Variants in BSCL2 observed in about 807,000 individuals in gnomAD.
BSCL2 encodes BSCL2 lipid droplet biogenesis associated, seipin.
In BSCL2, 41 loss-of-function variants were observed where a neutral mutation model predicts 57.4. That is an observed-to-expected ratio of 0.71 (90% CI 0.56 to 0.93). BSCL2 has a LOEUF of 0.93. BSCL2 is among the 40% of genes least tolerant of loss of function. The pLI is 0.00. For missense variants in BSCL2, 539 were observed against 586.7 expected, an observed-to-expected ratio of 0.92 and a Z score of 0.84; for synonymous variants, 237 against 227.3, an observed-to-expected ratio of 1.04 and a Z score of -0.38.
chr11:62,703,882 G>C (rs1256690235), intron 2 of BSCL2, among the ~76,000 whole-genome samples: 1 of 151,444 alleles, frequency 6.6e-6, no homozygotes, highest in Admixed American at 6.6e-5. Flanking sequence ...CACTTTGGGA[G>C]GCCAAGGGGG....
intron 3 of BSCL2, among the ~76,000 whole-genome samples, chr11:62,698,758 G>T (rs957222070): frequency 6.6e-6 from 1 of 152,078 alleles, no homozygotes; most frequent in African/African-American, 2.4e-5. Context: ...CCTCCCTCAT[G>T]TGACAGCCTC....
At chr11:62,709,486 T>C (rs780190159), upstream of BSCL2, 7 of 453,244 alleles carry the variant, frequency 1.5e-5, 1 homozygote, top group South Asian at 1.1e-4. Context: ...GGTGCGGGAG[T>C]GCAGTCGTAC....
At chr11:62,706,851 T>C in intron 1 of BSCL2, 1 of 597,288 alleles carries the variant, frequency 1.7e-6, no homozygotes, top group African/African-American at 1.8e-5. Context: ...GGATACACTC[T>C]CCCTCAGAGT....
At chr11:62,700,989 C>A (rs1945623080) in intron 3 of BSCL2, among the ~76,000 whole-genome samples, 1 of 151,980 alleles carries the variant, frequency 6.6e-6, no homozygotes, top group Non-Finnish European at 1.5e-5. Context: ...ATGAGAGCCT[C>A]CTCTAGCTTG....
At chr11:62,705,849 C>G in intron 1 of BSCL2, 1 of 539,758 alleles carries the variant, frequency 1.9e-6, no homozygotes. Flanking sequence ...ATTCCTTCTC[C>G]AGTCATTTGA....
Position 62,690,295 on chromosome 11 carries a change from T to C in BSCL2, c.*72A>G, listed in dbSNP as rs1487073806. 3 of 1,604,804 alleles carry C rather than the reference T, an allele frequency of 1.9e-6. No individual in the cohort carries two copies. Among genetic ancestry groups the C allele is most frequent in the Admixed American group, 1.7e-5 (1 of 59,966 alleles). ...AGGAAGAAGCTGACACAAAATAGTTTATTGAAGGAAAAACGAGGGGAGAGG... is the reference window on the plus strand; with the variant it reads ...AGGAAGAAGCTGACACAAAATAGTTCATTGAAGGAAAAACGAGGGGAGAGG... On this transcript the variant is annotated 3_prime_UTR_variant, in exon 11 of 11. Transcript: ENST00000360796.
rs1590872981 is a variant in BSCL2 at position 62,694,586 on chromosome 11, G to A, written c.612C>T (p.Ile204=). Reference sequence around the variant, plus strand: ...CACTTACCGAACGCGAAGAAGTGGAGATGATTCGGCCACCTCTGGTGTAGC... The same window carrying A: ...CACTTACCGAACGCGAAGAAGTGGAAATGATTCGGCCACCTCTGGTGTAGC... ...ISCYTRGGRI[I]STSSRSVMLH... The change falls in exon 4 of 11, where the codon ATC becomes ATT. Residue 204 remains isoleucine, a synonymous_variant. Transcript: ENST00000360796. 1 of 1,614,112 alleles carries A rather than the reference G, an allele frequency of 6.2e-7. No individual in the cohort carries two copies. Among genetic ancestry groups the A allele is most frequent in the Admixed American group, 1.7e-5 (1 of 59,988 alleles).
At position 62,706,290 on chromosome 11, in the gene BSCL2, A is replaced by G. The variant is rs529417327; in HGVS notation, c.88-673T>C. 1,002 of 1,109,872 alleles carry G rather than the reference A, an allele frequency of 9.0e-4. 9 individuals carry two copies. The African/African-American group carries it at 0.015, about 17-fold the overall frequency. The allele number at this position is 1,109,872 out of a possible 1,614,324, so 68.8% of individuals were successfully genotyped here. A position where few individuals can be genotyped will look rare whatever the true frequency, so the allele number is the denominator to read the frequency against. ...CGCGCGCTGCCAGGGCAACCGTGAGACGGGACTTCCGGCTCCCGGGGAAGT... is the reference window on the plus strand; with the variant it reads ...CGCGCGCTGCCAGGGCAACCGTGAGGCGGGACTTCCGGCTCCCGGGGAAGT... On this transcript the variant is annotated intron_variant, in intron 1 of 10. Transcript: ENST00000360796.
At chr11:62,704,459 T>C (rs1945753168) in intron 2 of BSCL2, among the ~76,000 whole-genome samples, 1 of 149,568 alleles carries the variant, frequency 6.7e-6, no homozygotes, top group Non-Finnish European at 1.5e-5. Flanking sequence ...GGCAGGAGAA[T>C]GGCGTGAGCC....
intron 3 of BSCL2, among the ~76,000 whole-genome samples, chr11:62,698,935 C>G (rs1348561688): frequency 1.3e-5 from 2 of 152,142 alleles, no homozygotes; most frequent in Non-Finnish European, 2.9e-5. Context: ...GAGATGGAGT[C>G]TTGCTCTGTC....
At position 62,690,297 on chromosome 11, in the gene BSCL2, T is replaced by C. The variant is rs763517904; in HGVS notation, c.*70A>G. 6 of 1,606,508 alleles carry C rather than the reference T, an allele frequency of 3.7e-6. No individual in the cohort carries two copies. The African/African-American group carries it at 4.0e-5, about 11-fold the overall frequency. Reference sequence around the variant, plus strand: ...GAAGAAGCTGACACAAAATAGTTTATTGAAGGAAAAACGAGGGGAGAGGAG... The same window carrying C: ...GAAGAAGCTGACACAAAATAGTTTACTGAAGGAAAAACGAGGGGAGAGGAG... On this transcript the variant is annotated 3_prime_UTR_variant, in exon 11 of 11. Transcript: ENST00000360796.
chr11:62,703,859 C>T (rs1373793308), intron 2 of BSCL2, among the ~76,000 whole-genome samples: 4 of 150,814 alleles, frequency 2.7e-5, no homozygotes, highest in South Asian at 2.1e-4. Context: ...GTGGCTCATG[C>T]TTGTAATCCC....
intron 2 of BSCL2, among the ~76,000 whole-genome samples, chr11:62,702,795 A>G (rs1362658088): frequency 1.3e-5 from 2 of 152,104 alleles, no homozygotes; most frequent in Non-Finnish European, 2.9e-5. Flanking sequence ...ATGGGAATCT[A>G]GAGATACTTA....
chr11:62,708,650 A>C (rs2134753181), upstream of BSCL2: 1 of 1,612,348 alleles, frequency 6.2e-7, no homozygotes, highest in South Asian at 1.1e-5. Flanking sequence ...GGTCCTGGCT[A>C]ACAATACCCT....
chr11:62,707,222 G>T lies in BSCL2; in HGVS notation c.-27C>A, dbSNP rs1268633273. 1 of 1,546,776 alleles carries T rather than the reference G, an allele frequency of 6.5e-7. No homozygotes were observed. The highest frequency in any genetic ancestry group is 2.4e-5 in the East Asian group (1 of 40,970). On this transcript the variant is annotated 5_prime_UTR_variant, in exon 1 of 11. Coordinates refer to ENST00000360796, the MANE Select transcript of BSCL2 (RefSeq NM_001122955.4). The stretch of plus-strand genomic sequence containing the variant: ...TTCCTGACGAGCCTCTGTTGACTCT[G>T]GATCTTCCACTGAGTCACTTGTGGC...
intron 3 of BSCL2, among the ~76,000 whole-genome samples, chr11:62,699,476 G>A (rs1444312323): frequency 5.9e-5 from 9 of 152,126 alleles, no homozygotes; most frequent in Admixed American, 3.9e-4. Flanking sequence ...GATTACAGGC[G>A]TGAGCCACTG....
intron 3 of BSCL2, among the ~76,000 whole-genome samples, chr11:62,696,915 G>T (rs1945485233): frequency 6.6e-6 from 1 of 151,924 alleles, no homozygotes; most frequent in African/African-American, 2.4e-5. Flanking sequence ...GTGCATGCCT[G>T]CAGTCCCAGC....
chr11:62,695,736 A>T (rs1024741329), intron 3 of BSCL2, among the ~76,000 whole-genome samples: 3 of 150,178 alleles, frequency 2.0e-5, no homozygotes, highest in Admixed American at 6.6e-5. Context: ...AAAAAAAAAA[A>T]ATTTGGAAAA....
At chr11:62,706,160 T>G (rs1026405780) in intron 1 of BSCL2, 2 of 1,008,736 alleles carry the variant, frequency 2.0e-6, no homozygotes, top group Admixed American at 5.2e-5. Flanking sequence ...TTCCCGCCAG[T>G]CCCCTCCAGC....
Sources: allele counts gnomAD v4.1 joint callset (sites outside exome capture counted in the v4.1 genomes callset), GRCh38; gene constraint gnomAD v4.1.1; transcripts MANE v1.5; gene names NCBI Gene and HGNC (gene_info 2026-07-23, HGNC 2026-07-21).